Variants in PDE12 observed in about 807,000 individuals in gnomAD.
PDE12 encodes the protein 2',5'-phosphodiesterase 12.
A neutral mutation model predicts 45.4 loss-of-function variants in PDE12; 26 were observed. The observed-to-expected ratio is 0.57, with a 90% CI of 0.42 to 0.79. The LOEUF is 0.79. Among genes scored for constraint, PDE12 ranks in the 30% least tolerant of loss-of-function variants. PDE12 has a pLI of 0.00. For missense variants in PDE12, 668 were observed against 790.0 expected (o/e 0.85, Z 1.85); for synonymous variants, 283 against 323.9 (o/e 0.87, Z 1.36).
the PDE12 span, among the ~76,000 whole-genome samples, chr3:57,592,140 A>C: frequency 6.6e-6 from 1 of 152,142 alleles, no homozygotes; most frequent in Non-Finnish European, 1.5e-5. Flanking sequence ...GAGACCTCAA[A>C]TACTATTTAC....
At chr3:57,612,337 A>C in the PDE12 span, among the ~76,000 whole-genome samples, 1 of 152,024 alleles carries the variant, frequency 6.6e-6, no homozygotes, top group African/African-American at 2.4e-5. Context: ...ACATGTATAC[A>C]TATGTAACCA....
At chr3:57,590,971 C>T in the PDE12 span, among the ~76,000 whole-genome samples, 1 of 152,170 alleles carries the variant, frequency 6.6e-6, no homozygotes, top group African/African-American at 2.4e-5. Flanking sequence ...TGATTCTATA[C>T]ATTTTTGGAC....
At chr3:57,605,467 C>T in the PDE12 span, among the ~76,000 whole-genome samples, 1 of 152,062 alleles carries the variant, frequency 6.6e-6, no homozygotes, top group Non-Finnish European at 1.5e-5. Flanking sequence ...ACCTGTGGGA[C>T]AGTGGGTAGA....
At chr3:57,558,794 T>C (rs1467914881) in intron 1 of PDE12, among the ~76,000 whole-genome samples, 1 of 151,772 alleles carries the variant, frequency 6.6e-6, no homozygotes, top group Non-Finnish European at 1.5e-5. Context: ...CCGGCCTATA[T>C]TGGACTATTA....
the PDE12 span, chr3:57,596,917 C>G: frequency 5.0e-4 from 355 of 712,310 alleles, 1 homozygote; most frequent in Non-Finnish European, 7.0e-5. Flanking sequence ...GCTCACCCTC[C>G]GCTCCATTGT....
chr3:57,593,979 G>T, the PDE12 span, among the ~76,000 whole-genome samples: 1 of 152,176 alleles, frequency 6.6e-6, no homozygotes, highest in Admixed American at 6.5e-5. Flanking sequence ...AAGCTGGCTG[G>T]GTGTGATGGC....
chr3:57,604,308 T>C, the PDE12 span, among the ~76,000 whole-genome samples: 16 of 152,128 alleles, frequency 1.1e-4, no homozygotes, highest in African/African-American at 3.9e-4. Context: ...AAATTTTTTT[T>C]CTCTAAAAAT....
the PDE12 span, among the ~76,000 whole-genome samples, chr3:57,650,417 T>TACACAC: frequency 1.2e-5 from 1 of 80,088 alleles, no homozygotes; most frequent in Non-Finnish European, 2.9e-5. Context: ...TACATGCATT[T>TACACAC]ACATACACAC....
At chr3:57,604,224 A>AT in the PDE12 span, among the ~76,000 whole-genome samples, 4 of 151,984 alleles carry the variant, frequency 2.6e-5, no homozygotes, top group African/African-American at 9.7e-5. Flanking sequence ...CCCAGCAGAA[A>AT]TTTTTTTTAA....
chr3:57,648,448 G>A, the PDE12 span, among the ~76,000 whole-genome samples: 2 of 151,980 alleles, frequency 1.3e-5, no homozygotes, highest in African/African-American at 4.8e-5. Context: ...CAAATTCAAC[G>A]CAATTCCCAT....
At chr3:57,611,542 AAAAC>A in the PDE12 span, among the ~76,000 whole-genome samples, 1,145 of 152,298 alleles carry the variant, frequency 7.5e-3, 11 homozygotes, top group African/African-American at 0.024. Context: ...TAACAGGAAA[AAAAC>A]AAACAACCCC....
At chr3:57,581,833 G>A in the PDE12 span, among the ~76,000 whole-genome samples, 1 of 152,152 alleles carries the variant, frequency 6.6e-6, no homozygotes, top group Non-Finnish European at 1.5e-5. Flanking sequence ...GAGCACATTA[G>A]AGATGAGTAT....
the PDE12 span, among the ~76,000 whole-genome samples, chr3:57,576,504 C>CTTTTTTTTT: frequency 9.8e-6 from 1 of 101,616 alleles, no homozygotes; most frequent in Non-Finnish European, 2.0e-5. Context: ...CTCAACCAAG[C>CTTTTTTTTT]TTTTTTTTTT....
the PDE12 span, among the ~76,000 whole-genome samples, chr3:57,650,451 T>TAC: frequency 4.2e-5 from 6 of 142,592 alleles, no homozygotes; most frequent in East Asian, 2.3e-4. Flanking sequence ...CACACATACA[T>TAC]ACACACACAC....
In PDE12 at chr3:57,561,220, TA is replaced by T. The variant is rs1340358245; in HGVS notation, c.*1217del. 3.0e-6 allele frequency: 3 copies of T among 984,808 alleles called. No homozygotes were observed. The highest frequency in any genetic ancestry group is 3.6e-6 in the Non-Finnish European group (3 of 829,120). 61.0% of individuals were successfully genotyped at this position (984,808 alleles called of 1,614,324 possible). A position where few individuals can be genotyped will look rare whatever the true frequency, so the allele number is the denominator to read the frequency against. ...TATTAGAAAATACAGCACATTACTT[TA>T]TGAGAAACTACCTACTGATATGGGC... On this transcript the variant is annotated 3_prime_UTR_variant, in exon 3 of 3. Transcript: ENST00000311180.
chr3:57,638,395 C>G, the PDE12 span, among the ~76,000 whole-genome samples: 1 of 151,718 alleles, frequency 6.6e-6, no homozygotes, highest in African/African-American at 2.4e-5. Flanking sequence ...TGGTGGCTCA[C>G]GCCTACAATT....
rs1559776631 is a variant in PDE12 at position 57,557,269 on chromosome 3, C to G, written c.890C>G (p.Thr297Ser). The change falls in exon 1 of 3, where the codon ACT becomes AGT. Residue 297 changes from threonine (T) to serine (S), a missense_variant. By Grantham distance (58) the Thr-to-Ser change is moderately conservative (BLOSUM62 1). This residue lies in a region of PDE12 where 580 missense variants were observed against 662.9 expected (regional missense o/e 0.87). Transcript: ENST00000311180. ...KKVTEDALIR[T>S]VSYNILADTY... Reference sequence around the variant, plus strand: ...GTGACTGAGGACGCTCTCATCCGCACTGTCTCTTACAACATCCTGGCAGAC... The same window carrying G: ...GTGACTGAGGACGCTCTCATCCGCAGTGTCTCTTACAACATCCTGGCAGAC... 1.9e-6 allele frequency: 3 copies of G among 1,614,010 alleles called. No individual in the cohort carries two copies. The highest frequency in any genetic ancestry group is 2.2e-5 in the East Asian group (1 of 44,874).
At chr3:57,630,405 CA>C in the PDE12 span, 6 of 1,566,602 alleles carry the variant, frequency 3.8e-6, no homozygotes, top group Non-Finnish European at 4.3e-6. Flanking sequence ...ATTACACAAA[CA>C]CACAGTTTTC....
chr3:57,558,092 A>T (rs115394766), intron 1 of PDE12, among the ~76,000 whole-genome samples: 2,124 of 152,274 alleles, frequency 0.014, 52 homozygotes, highest in African/African-American at 0.046. Flanking sequence ...AGTTTTTTTT[A>T]AATCATAGGC....
Sources: gnomAD v4.1 joint callset for allele counts (sites outside exome capture counted in the v4.1 genomes callset) on GRCh38, gnomAD v4.1.1 for gene constraint, gnomAD v4.1.1 regional missense constraint, MANE v1.5 for transcripts, NCBI Gene and HGNC (gene_info 2026-07-23, HGNC 2026-07-21) for gene names.